STARD10: variants seen among roughly 807,000 people sequenced by gnomAD.
The protein encoded by STARD10 is StAR related lipid transfer domain containing 10, also known as START domain-containing protein 10.
Under a neutral mutation model 36.0 loss-of-function variants are expected in STARD10, and 24 were observed. That is an observed-to-expected ratio of 0.67 (90% CI 0.48 to 0.94). STARD10 has a LOEUF of 0.94. STARD10 is among the 40% of genes least tolerant of loss of function. STARD10 has a pLI of 0.00. For missense variants in STARD10, 335 were observed against 396.6 expected (o/e 0.84, Z 1.32); for synonymous variants, 156 against 161.9 (o/e 0.96, Z 0.28).
intron 6 of STARD10, 178 bp downstream of exon 6, chr11:72,755,523 C>T (rs754290209): frequency 2.8e-6 from 2 of 713,524 alleles, no homozygotes; most frequent in Admixed American, 4.1e-5. Context: ...GTTGGCCAGG[C>T]TGGTCTTGAA....
At chr11:72,775,527 G>A (rs558233526) in intron 2 of STARD10, among the ~76,000 whole-genome samples, 1 of 152,170 alleles carries the variant, frequency 6.6e-6, no homozygotes, top group Non-Finnish European at 1.5e-5. Flanking sequence ...GCTCTGTATG[G>A]AATGCTCCCG....
At position 72,765,816 on chromosome 11, in the gene STARD10, C is replaced by CAAAAAAAAAAAA. The variant is rs752801080; in HGVS notation, c.208-6447_208-6436dup. On this transcript the variant is annotated intron_variant, in intron 2 of 6. Coordinates refer to ENST00000334805, the MANE Select transcript of STARD10 (RefSeq NM_006645.3). ...TGAAAACCTGTCTCTACTAAAAATACAAAAAAAAAAAAAAATTAGCTGGGT... is the reference window on the plus strand; with the variant it reads ...TGAAAACCTGTCTCTACTAAAAATACAAAAAAAAAAAAAAAAAAAAAAAAAAATTAGCTGGGT... Among the ~76,000 whole-genome samples, 168 of 118,172 alleles carry CAAAAAAAAAAAA rather than the reference C, an allele frequency of 1.4e-3. 7 individuals are homozygous for CAAAAAAAAAAAA. The highest frequency in any genetic ancestry group is 5.4e-3 in the African/African-American group (156 of 28,736). 77.5% of individuals were successfully genotyped at this position (118,172 alleles called of 152,430 possible).
In STARD10 at chr11:72,781,765, G is replaced by A. The variant is rs1859002071; in HGVS notation, c.-113-471C>T. The A allele has an allele frequency of 6.7e-6, 1 of 149,432 alleles. No homozygotes were observed. The highest frequency in any genetic ancestry group is 2.0e-4 in the East Asian group (1 of 5,092). 9.3% of individuals were successfully genotyped at this position (149,432 alleles called of 1,614,324 possible). A position where few individuals can be genotyped will look rare whatever the true frequency, so the allele number is the denominator to read the frequency against. ...GGCCGCGCGGGGGCTCTGGTGGGAG[G>A]AGCAGTGGGTCCCGCCGCCCGGCCC... On this transcript the variant is annotated intron_variant, in intron 1 of 6. Coordinates refer to ENST00000334805, the MANE Select transcript of STARD10 (RefSeq NM_006645.3). The surrounding 1 kb of genome is among the most constrained non-coding windows in gnomAD (Gnocchi z 4.7).
At chr11:72,776,289 C>T (rs1005152649) in intron 2 of STARD10, among the ~76,000 whole-genome samples, 6 of 152,206 alleles carry the variant, frequency 3.9e-5, no homozygotes, top group African/African-American at 1.4e-4. Flanking sequence ...CCAGCAACTT[C>T]CTGTATGGGG....
chr11:72,756,945 A>C (rs1858652777), intron 5 of STARD10, among the ~76,000 whole-genome samples: 2 of 152,062 alleles, frequency 1.3e-5, no homozygotes, highest in Admixed American at 1.3e-4. Flanking sequence ...GGAGTTCGAG[A>C]CCAGGCTGGC....
chr11:72,788,464 G>T (rs936722914), intron 1 of STARD10, among the ~76,000 whole-genome samples: 3 of 152,168 alleles, frequency 2.0e-5, no homozygotes, highest in Non-Finnish European at 4.4e-5. Context: ...GCACTGCAAG[G>T]TTTCTCAATG....
chr11:72,784,606 G>C (rs1859047827), intron 1 of STARD10, among the ~76,000 whole-genome samples: 1 of 152,192 alleles, frequency 6.6e-6, no homozygotes, highest in Non-Finnish European at 1.5e-5. Flanking sequence ...GATTCTCATG[G>C]AAGATCAAAC....
At chr11:72,771,758 G>C (rs1858861196) in intron 2 of STARD10, among the ~76,000 whole-genome samples, 1 of 152,162 alleles carries the variant, frequency 6.6e-6, no homozygotes, top group Admixed American at 6.5e-5. Context: ...GATGAACGTT[G>C]CAGAGGCTGG....
rs566037992 is a variant in STARD10 at position 72,792,102 on chromosome 11, T to C, written c.-114+773A>G. Among the ~76,000 whole-genome samples the C allele has an allele frequency of 2.3e-4, 30 of 131,954 alleles. No homozygotes were observed. In the East Asian group the frequency reaches 5.5e-3, roughly 24 times the overall value. The allele number at this position is 131,954 out of a possible 152,430, so 86.6% of individuals were successfully genotyped here. A position where few individuals can be genotyped will look rare whatever the true frequency, so the allele number is the denominator to read the frequency against. On this transcript the variant is annotated intron_variant, in intron 1 of 6. Coordinates refer to ENST00000334805, the MANE Select transcript of STARD10 (RefSeq NM_006645.3). Reference sequence around the variant, plus strand: ...TCTTACTCTGTCAGCCAGGCTGGAGTACAGTGGCGCCATCTCGGCTCACCG... The same window carrying C: ...TCTTACTCTGTCAGCCAGGCTGGAGCACAGTGGCGCCATCTCGGCTCACCG...
intron 2 of STARD10, 103 bp downstream of exon 2, chr11:72,780,872 C>G (rs1335046850): frequency 1.6e-6 from 2 of 1,231,424 alleles, no homozygotes; most frequent in Non-Finnish European, 2.4e-6. Context: ...TCTCTGGGCC[C>G]AGATATACAG....
intron 3 of STARD10, among the ~76,000 whole-genome samples, chr11:72,758,872 T>G (rs1858682072): frequency 2.0e-5 from 3 of 152,260 alleles, no homozygotes; most frequent in Admixed American, 1.3e-4. Flanking sequence ...CCTTACATTG[T>G]TGGCCTGGCT....
rs1858995566 is a variant in STARD10 at position 72,781,381 on chromosome 11, G to A, written c.-113-87C>T. The A allele has an allele frequency of 1.7e-6, 1 of 593,302 alleles. No homozygotes were observed. Among genetic ancestry groups the A allele is most frequent in the African/African-American group, 1.9e-5 (1 of 53,778 alleles). 36.8% of individuals were successfully genotyped at this position (593,302 alleles called of 1,614,324 possible). On this transcript the variant is annotated intron_variant, in intron 1 of 6. Transcript: ENST00000334805. This position sits in a 1 kb window ranked among gnomAD's most constrained non-coding sequence, Gnocchi z 4.7. ...GTCCTGGCGGGTGGGGAGCTGGAGA[G>A]AGGTAGGGGCTGGCCCCAGGGAAGG...
chr11:72,779,005 C>G (rs1417483745), intron 2 of STARD10, among the ~76,000 whole-genome samples: 1 of 152,138 alleles, frequency 6.6e-6, no homozygotes, highest in African/African-American at 2.4e-5. Context: ...CAGCCTGGCC[C>G]CAGACCCACC....
In STARD10 at chr11:72,758,634, C is replaced by T; in HGVS notation, c.356-1G>A. 1.9e-6 allele frequency: 3 copies of T among 1,611,330 alleles called. No homozygotes were observed. Among genetic ancestry groups the T allele is most frequent in the African/African-American group, 1.3e-5 (1 of 75,022 alleles). Reference sequence around the variant, plus strand: ...TTCTTCAGGGGCTTGGGACACCTCCCTGTGGGGGGCAAGGGACAGTTCAGC... The same window carrying T: ...TTCTTCAGGGGCTTGGGACACCTCCTTGTGGGGGGCAAGGGACAGTTCAGC... On this transcript the variant is annotated splice_acceptor_variant, in intron 3 of 6. Transcript: ENST00000334805. LOFTEE classifies it high-confidence loss of function.
rs1858993738 is a variant in STARD10 at position 72,781,309 on chromosome 11, T to C, written c.-113-15A>G. 1 of 768,700 alleles carries C rather than the reference T, an allele frequency of 1.3e-6. No individual in the cohort carries two copies. The highest frequency in any genetic ancestry group is 2.1e-6 in the Non-Finnish European group (1 of 481,664). 47.6% of individuals were successfully genotyped at this position (768,700 alleles called of 1,614,324 possible). A position where few individuals can be genotyped will look rare whatever the true frequency, so the allele number is the denominator to read the frequency against. The stretch of plus-strand genomic sequence containing the variant: ...CTTCCTGGGACCTGCAAGACCGGTT[T>C]GGGGACGGGAATCAGTGCGCTGGGG... On this transcript the variant is annotated splice_polypyrimidine_tract_variant and intron_variant, in intron 1 of 6. Transcript: ENST00000334805. The surrounding 1 kb of genome is among the most constrained non-coding windows in gnomAD (Gnocchi z 4.7).
intron 2 of STARD10, among the ~76,000 whole-genome samples, chr11:72,778,489 C>T (rs948673455): frequency 1.3e-5 from 2 of 152,220 alleles, no homozygotes; most frequent in African/African-American, 4.8e-5. Flanking sequence ...CCATCTCTCC[C>T]AGAGCTCCAA....
intron 1 of STARD10, among the ~76,000 whole-genome samples, chr11:72,789,012 C>T (rs1278107373): frequency 5.3e-5 from 8 of 152,072 alleles, no homozygotes; most frequent in African/African-American, 1.2e-4. Context: ...TGCACTGCCA[C>T]GCCCAGCTAA....
At chr11:72,760,288 G>A (rs554941) in intron 2 of STARD10, among the ~76,000 whole-genome samples, 6 of 152,032 alleles carry the variant, frequency 3.9e-5, no homozygotes, top group East Asian at 1.9e-4. Context: ...GTACAGTGGC[G>A]TGATCTCGGC....
chr11:72,773,387 C>T (rs549925012), intron 2 of STARD10, among the ~76,000 whole-genome samples: 1 of 152,312 alleles, frequency 6.6e-6, no homozygotes, highest in East Asian at 1.9e-4. Context: ...GAAGGGGAAA[C>T]CACAGCACAG....
Sources: allele counts gnomAD v4.1 joint callset (sites outside exome capture counted in the v4.1 genomes callset), GRCh38; gene constraint gnomAD v4.1.1; non-coding constraint Gnocchi (gnomAD v3.1); transcripts MANE v1.5; gene names NCBI Gene and HGNC (gene_info 2026-07-23, HGNC 2026-07-21).